The following PLA2G10 variants were observed in gnomAD, a reference collection of about 807,000 sequenced individuals.
PLA2G10 encodes the protein phospholipase A2 group X.
PLA2G10 carries 9 observed loss-of-function variants against 7.9 expected under a neutral mutation model. The observed-to-expected ratio is 1.14, with a 90% CI of 0.68 to 1.98. The LOEUF is 1.98. PLA2G10 is among the 30% of genes most tolerant of loss of function. The pLI, the probability that PLA2G10 is intolerant of heterozygous loss-of-function variation, is 0.00. For missense variants in PLA2G10, 53 were observed against 65.4 expected (o/e 0.81, Z 0.66); for synonymous variants, 19 against 27.5 (o/e 0.69, Z 0.97).
chr16:14,680,220 C>A (rs886426113), intron 3 of PLA2G10, among the ~76,000 whole-genome samples: 69 of 151,470 alleles, frequency 4.6e-4, no homozygotes, highest in African/African-American at 1.6e-3. Context: ...CCTGCCTCAA[C>A]CTCCCGAATA....
intron 3 of PLA2G10, among the ~76,000 whole-genome samples, chr16:14,678,371 C>T (rs969245959): frequency 2.0e-5 from 3 of 152,204 alleles, no homozygotes; most frequent in South Asian, 4.1e-4. Context: ...CTGCCCAAGC[C>T]ACCTCTCTCC....
chr16:14,683,737 G>A (rs558723585), intron 3 of PLA2G10, among the ~76,000 whole-genome samples: 19 of 152,108 alleles, frequency 1.2e-4, no homozygotes, highest in African/African-American at 4.1e-4. Context: ...AAAACTTAAC[G>A]GTAAATATTT....
At chr16:14,674,106 C>T (rs1960661981) in intron 3 of PLA2G10, among the ~76,000 whole-genome samples, 1 of 151,832 alleles carries the variant, frequency 6.6e-6, no homozygotes, top group Non-Finnish European at 1.5e-5. Context: ...ATCAAGAACT[C>T]AGTCCCTTTT....
intron 3 of PLA2G10, among the ~76,000 whole-genome samples, chr16:14,681,915 C>T (rs998824718): frequency 6.6e-6 from 1 of 151,736 alleles, no homozygotes; most frequent in Non-Finnish European, 1.5e-5. Context: ...CCACTGAAGC[C>T]TCATTTCACC....
At chr16:14,677,601 GTGATCT>G (rs1960757592) in intron 3 of PLA2G10, among the ~76,000 whole-genome samples, 3 of 152,114 alleles carry the variant, frequency 2.0e-5, no homozygotes, top group African/African-American at 4.8e-5. Flanking sequence ...TCTTGACCTC[GTGATCT>G]GCCCGCCTTA....
At chr16:14,684,418 G>C (rs1960990800) in intron 3 of PLA2G10, among the ~76,000 whole-genome samples, 1 of 149,714 alleles carries the variant, frequency 6.7e-6, no homozygotes, top group African/African-American at 2.5e-5. Flanking sequence ...TGTAATCCCA[G>C]CACTTTGGAG....
intron 3 of PLA2G10, among the ~76,000 whole-genome samples, chr16:14,681,204 G>GGA (rs151258484): frequency 2.7e-5 from 4 of 149,988 alleles, no homozygotes; most frequent in South Asian, 2.1e-4. Context: ...GGGGGAGGGG[G>GGA]GAGAGAGAGA....
chr16:14,678,664 G>T, intron 3 of PLA2G10: 1 of 372,772 alleles, frequency 2.7e-6, no homozygotes, highest in Non-Finnish European at 5.4e-6. Flanking sequence ...CAGCTACTCA[G>T]GAGGCTGAGG....
Position 14,693,309 on chromosome 16 carries a change from CTGTGTGTG to C in PLA2G10, c.97+816_97+823del, listed in dbSNP as rs1177221583. ...CGCACATATGTGTGTCTGTGCTGCTCTGTGTGTGTGTGTGTGTGTGTGTGTGTGTGTGT... is the reference window on the plus strand; with the variant it reads ...CGCACATATGTGTGTCTGTGCTGCTCTGTGTGTGTGTGTGTGTGTGTGTGT... On this transcript the variant is annotated intron_variant, in intron 1 of 3. Transcript: ENST00000438167. Among the ~76,000 whole-genome samples the C allele has an allele frequency of 1.9e-3, 46 of 24,256 alleles. 8 individuals are homozygous for C. The highest frequency in any genetic ancestry group is 5.7e-3 in the East Asian group (5 of 884). The allele number at this position is 24,256 out of a possible 152,430, so 15.9% of individuals were successfully genotyped here. A position where few individuals can be genotyped will look rare whatever the true frequency, so the allele number is the denominator to read the frequency against.
chr16:14,675,932 C>CAAAAA (rs59516741), intron 3 of PLA2G10, among the ~76,000 whole-genome samples: 3 of 46,684 alleles, frequency 6.4e-5, no homozygotes, highest in Admixed American at 2.1e-4. Flanking sequence ...GAGCAAGACT[C>CAAAAA]AAAAAAAAAA....
chr16:14,693,659 GT>G (rs1961192744), intron 1 of PLA2G10, among the ~76,000 whole-genome samples: 1 of 2,628 alleles, frequency 3.8e-4, no homozygotes, highest in African/African-American at 4.1e-4. Flanking sequence ...TTGTTTGTTT[GT>G]TTTGTTTTGT....
At chr16:14,683,371 T>G (rs914425506) in intron 3 of PLA2G10, among the ~76,000 whole-genome samples, 10 of 151,804 alleles carry the variant, frequency 6.6e-5, no homozygotes, top group Admixed American at 2.6e-4. Context: ...TAGCTGGGAC[T>G]ACAGGAGCAT....
intron 3 of PLA2G10, among the ~76,000 whole-genome samples, chr16:14,674,266 C>T (rs1036475294): frequency 1.3e-5 from 2 of 152,178 alleles, no homozygotes; most frequent in African/African-American, 4.8e-5. Flanking sequence ...ACATCCCATG[C>T]TCATGGATTG....
intron 3 of PLA2G10, among the ~76,000 whole-genome samples, chr16:14,676,093 C>T (rs1204572552): frequency 2.6e-5 from 4 of 152,072 alleles, no homozygotes; most frequent in Non-Finnish European, 5.9e-5. Flanking sequence ...CCAGAATGGC[C>T]ATTATTGAAA....
intron 3 of PLA2G10, among the ~76,000 whole-genome samples, chr16:14,684,597 C>T (rs1451134674): frequency 1.3e-5 from 2 of 152,012 alleles, no homozygotes; most frequent in Non-Finnish European, 2.9e-5. Context: ...ACCTGGGAGG[C>T]AGAGGTTGTA....
At chr16:14,673,016 C>CT (rs1293093227) in intron 3 of PLA2G10, among the ~76,000 whole-genome samples, 5,010 of 128,568 alleles carry the variant, frequency 0.039, 130 homozygotes, top group Non-Finnish European at 0.059. Flanking sequence ...TTTTTCTTTT[C>CT]TTTTTTTTTT....
At chr16:14,679,823 C>T (rs1960837818) in intron 3 of PLA2G10, among the ~76,000 whole-genome samples, 1 of 152,202 alleles carries the variant, frequency 6.6e-6, no homozygotes, top group African/African-American at 2.4e-5. Context: ...TGCACCCAGC[C>T]TGGGTGACAG....
intron 3 of PLA2G10, among the ~76,000 whole-genome samples, chr16:14,677,740 T>G (rs1960762203): frequency 6.6e-6 from 1 of 151,374 alleles, no homozygotes; most frequent in Admixed American, 6.6e-5. Context: ...GATGGATGGA[T>G]GATGGATGAT....
chr16:14,672,709 A>C lies in PLA2G10; in HGVS notation c.396T>G (p.Cys132Trp). The change falls in exon 4 of 4, where the codon TGT (cysteine) becomes TGG (tryptophan). Residue 132 changes from cysteine to tryptophan, a missense_variant. Around this residue, in one of 2 missense-constraint regions of PLA2G10, gnomAD observed 48 missense variants for 47.0 expected, o/e 1.02. Coordinates refer to ENST00000438167, the MANE Select transcript of PLA2G10 (RefSeq NM_003561.3). Reference protein sequence around the residue: ...ENKCQELLCKCDQEIANCLAQ... With the variant: ...ENKCQELLCKWDQEIANCLAQ... ...CTAAGCAGTTAGCAATCTCCTGGTC[A>C]CACTTGCACAACAGTTCTTGGCATT... 1 of 1,614,098 alleles carries C rather than the reference A, an allele frequency of 6.2e-7. No homozygotes were observed. The highest frequency in any genetic ancestry group is 1.7e-5 in the Admixed American group (1 of 60,012).
Sources: allele counts gnomAD v4.1 joint callset (sites outside exome capture counted in the v4.1 genomes callset), GRCh38; gene constraint gnomAD v4.1.1; regional missense constraint gnomAD v4.1.1; transcripts MANE v1.5; gene names NCBI Gene and HGNC (gene_info 2026-07-23, HGNC 2026-07-21).